Variants in YBX3 observed in about 807,000 individuals in gnomAD.
YBX3 encodes the protein Y-box binding protein 3.
YBX3 carries 29 observed loss-of-function variants against 42.4 expected under a neutral mutation model. That is an observed-to-expected ratio of 0.68 (90% CI 0.51 to 0.93). YBX3 has a LOEUF of 0.93. Among genes scored for constraint, YBX3 ranks in the 40% least tolerant of loss-of-function variants. The pLI, the probability that YBX3 is intolerant of heterozygous loss-of-function variation, is 0.00. For synonymous variants in YBX3, 195 were observed against 189.8 expected (o/e 1.03, Z -0.22); for missense variants, 517 against 527.5 (o/e 0.98, Z 0.19).
chr12:10,718,201 A>G, intron 2 of YBX3, 80 bp from the exon 3 acceptor site: 1 of 1,275,428 alleles, frequency 7.8e-7, no homozygotes, highest in South Asian at 1.3e-5. Flanking sequence ...TTATGAATTT[A>G]ACTCCCAAGT....
At chr12:10,719,302 C>T (rs1267497833) in intron 1 of YBX3, among the ~76,000 whole-genome samples, 159 bp from the exon 2 acceptor site, 1 of 152,096 alleles carries the variant, frequency 6.6e-6, no homozygotes, top group Non-Finnish European at 1.5e-5. Flanking sequence ...ATGGAGCAAG[C>T]CAAGATCTCA....
chr12:10,706,703 G>A (rs1449616292), intron 6 of YBX3, among the ~76,000 whole-genome samples: 2 of 151,986 alleles, frequency 1.3e-5, no homozygotes, highest in East Asian at 1.9e-4. Flanking sequence ...CTGCCCCTAC[G>A]GCTTTAAACA....
At chr12:10,706,213 G>A (rs971681297) in intron 6 of YBX3, among the ~76,000 whole-genome samples, 1 of 152,202 alleles carries the variant, frequency 6.6e-6, no homozygotes, top group Admixed American at 6.5e-5. Flanking sequence ...GAAGTTGTTG[G>A]TGAGGTAACG....
intron 5 of YBX3, chr12:10,710,604 G>A: frequency 6.4e-6 from 8 of 1,258,902 alleles, no homozygotes; most frequent in Non-Finnish European, 8.2e-6. Flanking sequence ...AACTTCCAGG[G>A]GGTCAGCGAG....
At chr12:10,720,192 A>G (rs1591584726) in intron 1 of YBX3, among the ~76,000 whole-genome samples, 2 of 152,360 alleles carry the variant, frequency 1.3e-5, no homozygotes, top group South Asian at 2.1e-4. Context: ...CTGTCTTTTC[A>G]TAAGATACAA....
chr12:10,718,187 T>A, intron 2 of YBX3, 66 bp from the exon 3 acceptor site: 1 of 1,484,174 alleles, frequency 6.7e-7, no homozygotes, highest in South Asian at 1.2e-5. Flanking sequence ...AAAGAACCTA[T>A]GTGTTATGAA....
In YBX3 at chr12:10,723,132, C is replaced by A; in HGVS notation, c.-21G>T. The A allele has an allele frequency of 4.2e-6, 5 of 1,196,740 alleles. No homozygotes were observed. The highest frequency in any genetic ancestry group is 5.2e-6 in the Non-Finnish European group (5 of 965,544). The allele number at this position is 1,196,740 out of a possible 1,614,324, so 74.1% of individuals were successfully genotyped here. A position where few individuals can be genotyped will look rare whatever the true frequency, so the allele number is the denominator to read the frequency against. On this transcript the variant is annotated 5_prime_UTR_variant, in exon 1 of 10. Coordinates refer to ENST00000228251, the MANE Select transcript of YBX3 (RefSeq NM_003651.5). ...CTCATGCCTCCTCCTCCTCTGCTCT[C>A]GCTCAGGCGCCTCGGTGGCGGTTGG...
chr12:10,701,225 A>G lies in YBX3; in HGVS notation c.*34+29T>C, dbSNP rs75893726. ...CAGTGATACTAAAAAGAAAATACCA[A>G]CTCAAGACTGGGCTGCCCCAGCTCT... On this transcript the variant is annotated intron_variant, in intron 9 of 9. Coordinates refer to ENST00000228251, the MANE Select transcript of YBX3 (RefSeq NM_003651.5). 3,335 of 763,686 alleles carry G rather than the reference A, an allele frequency of 4.4e-3. 67 individuals are homozygous for G. In the African/African-American group the frequency reaches 0.05, roughly 11 times the overall value. 47.3% of individuals were successfully genotyped at this position (763,686 alleles called of 1,614,324 possible).
chr12:10,723,204 C>A lies in YBX3; in HGVS notation c.-93G>T, dbSNP rs1279198835. On this transcript the variant is annotated 5_prime_UTR_variant, in exon 1 of 10. Coordinates refer to ENST00000228251, the MANE Select transcript of YBX3 (RefSeq NM_003651.5). ...GGTCGCGGCGGCCGGGGCTCGCTCT[C>A]GGGGAGGCCGGGGCGGATCTCGCGG... 1.4e-5 allele frequency: 16 copies of A among 1,173,348 alleles called. No homozygotes were observed. The highest frequency in any genetic ancestry group is 1.6e-5 in the Non-Finnish European group (15 of 950,664). The allele number at this position is 1,173,348 out of a possible 1,614,324, so 72.7% of individuals were successfully genotyped here. A position where few individuals can be genotyped will look rare whatever the true frequency, so the allele number is the denominator to read the frequency against.
At chr12:10,720,876 T>C (rs921735220) in intron 1 of YBX3, 9 of 152,224 alleles carry the variant, frequency 5.9e-5, no homozygotes, top group Admixed American at 2.6e-4. Flanking sequence ...CAAGGACTTC[T>C]TATGATCAAA....
chr12:10,711,629 T>C (rs550726752), intron 5 of YBX3: 1 of 152,318 alleles, frequency 6.6e-6, no homozygotes, highest in Admixed American at 6.5e-5. Context: ...CAAAGCATAA[T>C]AATGGCACCA....
intron 1 of YBX3, among the ~76,000 whole-genome samples, chr12:10,720,609 G>T (rs975781979): frequency 6.6e-6 from 1 of 152,052 alleles, no homozygotes; most frequent in Admixed American, 6.5e-5. Context: ...ATTTAAGTCA[G>T]GCAATATTCC....
At chr12:10,709,785 G>T in intron 6 of YBX3, 123 bp downstream of exon 6, 1 of 1,200,848 alleles carries the variant, frequency 8.3e-7, no homozygotes, top group Non-Finnish European at 1.2e-6. Context: ...CTCAGCTTTT[G>T]TAGCATCAGG....
chr12:10,704,033 G>A lies in YBX3; in HGVS notation c.878+18C>T, dbSNP rs376972136. On this transcript the variant is annotated intron_variant, in intron 7 of 9. Transcript: ENST00000228251. ...ACACAAGTCCTTTAACTGGCCATTAGTGGAAAATGCGACATACCTACGGTA... is the reference window on the plus strand; with the variant it reads ...ACACAAGTCCTTTAACTGGCCATTAATGGAAAATGCGACATACCTACGGTA... The A allele has an allele frequency of 1.9e-6, 3 of 1,612,862 alleles. No individual in the cohort carries two copies. The highest frequency in any genetic ancestry group is 2.5e-6 in the Non-Finnish European group (3 of 1,179,028).
intron 6 of YBX3, among the ~76,000 whole-genome samples, chr12:10,706,729 C>T (rs1046213328): frequency 6.6e-6 from 1 of 152,070 alleles, no homozygotes; most frequent in African/African-American, 2.4e-5. Flanking sequence ...TTTTATAACT[C>T]CAAATCAGCC....
At chr12:10,708,166 A>G (rs1264636240) in intron 6 of YBX3, among the ~76,000 whole-genome samples, 3 of 152,204 alleles carry the variant, frequency 2.0e-5, no homozygotes, top group Admixed American at 2.0e-4. Flanking sequence ...CTCAAAGACA[A>G]CAAGCACATA....
chr12:10,708,294 A>G (rs1454654370), intron 6 of YBX3, among the ~76,000 whole-genome samples: 3 of 151,418 alleles, frequency 2.0e-5, no homozygotes, highest in Non-Finnish European at 2.9e-5. Context: ...GCATAAGGCA[A>G]ATACCACTGG....
intron 1 of YBX3, chr12:10,722,410 C>G (rs1948337730): frequency 6.5e-6 from 1 of 153,526 alleles, no homozygotes. Context: ...TCTCCTTTCC[C>G]AGATCCCAAG....
chr12:10,700,534 C>G (rs1416525832), intron 9 of YBX3, among the ~76,000 whole-genome samples: 3 of 151,844 alleles, frequency 2.0e-5, no homozygotes, highest in Admixed American at 1.3e-4. Context: ...ATAAAATGTC[C>G]AAGACCTTTA....
Sources: gnomAD v4.1 joint callset for allele counts (sites outside exome capture counted in the v4.1 genomes callset) on GRCh38, gnomAD v4.1.1 for gene constraint, MANE v1.5 for transcripts, NCBI Gene and HGNC (gene_info 2026-07-23, HGNC 2026-07-21) for gene names.